LANCL1: variants seen among roughly 807,000 people sequenced by gnomAD.
The protein encoded by LANCL1 is glutathione S-transferase LANCL1.
A neutral mutation model predicts 50.6 loss-of-function variants in LANCL1; 50 were observed. The ratio of observed to expected loss-of-function variants is 0.99; its 90% confidence interval spans 0.79 to 1.25. The LOEUF is 1.25. Ranked by LOEUF, LANCL1 falls within the 50% of genes most tolerant of loss-of-function variation. LANCL1 has a pLI of 0.00. For synonymous variants in LANCL1, 188 were observed against 178.6 expected, an observed-to-expected ratio of 1.05 and a Z score of -0.42; for missense variants, 532 against 480.7, an observed-to-expected ratio of 1.11 and a Z score of -1.00.
Position 210,434,306 on chromosome 2 carries a change from T to G in LANCL1, c.*181A>C. 1.8e-6 allele frequency: 1 copy of G among 550,802 alleles called. No individual in the cohort carries two copies. Among genetic ancestry groups the G allele is most frequent in the South Asian group, 2.7e-5 (1 of 37,608 alleles). 34.1% of individuals were successfully genotyped at this position (550,802 alleles called of 1,614,324 possible). A position where few individuals can be genotyped will look rare whatever the true frequency, so the allele number is the denominator to read the frequency against. Reference sequence around the variant, plus strand: ...AAGTTAAAAGACTTCCTTGGATACTTCTAAGTAAAAGTAAATGATAATGGA... The same window carrying G: ...AAGTTAAAAGACTTCCTTGGATACTGCTAAGTAAAAGTAAATGATAATGGA... On this transcript the variant is annotated 3_prime_UTR_variant, in exon 10 of 10. Transcript: ENST00000450366.
At chr2:210,465,846 C>A (rs544817286) in intron 3 of LANCL1, among the ~76,000 whole-genome samples, 11 of 152,170 alleles carry the variant, frequency 7.2e-5, no homozygotes, top group African/African-American at 2.7e-4. Flanking sequence ...AGGTTTTGAA[C>A]CCTATTCTGG....
At position 210,475,975 on chromosome 2, in the gene LANCL1, A is replaced by T. The variant is rs141569524; in HGVS notation, c.81+341T>A. ...TAATCACAAAGGAGTAACACGGCAC[A>T]TGTGAATACCGTTAGGATTCTTCAC... On this transcript the variant is annotated intron_variant, in intron 2 of 9. Coordinates refer to ENST00000450366, the MANE Select transcript of LANCL1 (RefSeq NM_006055.3). Among the ~76,000 whole-genome samples, 169 of 152,340 alleles carry T rather than the reference A, an allele frequency of 1.1e-3. 2 individuals are homozygous for T. The East Asian group carries it at 0.026, about 23-fold the overall frequency.
At chr2:210,457,534 C>A (rs924100127) in intron 3 of LANCL1, among the ~76,000 whole-genome samples, 2 of 152,148 alleles carry the variant, frequency 1.3e-5, no homozygotes, top group African/African-American at 4.8e-5. Flanking sequence ...AGTCCTAATA[C>A]ATACTTGTGG....
intron 4 of LANCL1, among the ~76,000 whole-genome samples, chr2:210,447,987 G>T (rs985297598): frequency 5.3e-5 from 8 of 152,116 alleles, no homozygotes; most frequent in African/African-American, 1.9e-4. Flanking sequence ...CTTAAACTCA[G>T]CTCTGGACCA....
chr2:210,455,723 G>GT (rs1693653118), intron 3 of LANCL1, among the ~76,000 whole-genome samples: 1 of 151,662 alleles, frequency 6.6e-6, no homozygotes. Flanking sequence ...ATAAGAAAGG[G>GT]TTTGTTGTGA....
chr2:210,453,319 T>G lies in LANCL1; in HGVS notation c.407+1788A>C, dbSNP rs551173012. Among the ~76,000 whole-genome samples the G allele has an allele frequency of 2.6e-5, 4 of 152,064 alleles. No individual in the cohort carries two copies. The East Asian group carries it at 7.7e-4, about 29-fold the overall frequency. Reference sequence around the variant, plus strand: ...TGATATTGTACCATTTCCCAAAGAGTGTGTTAGAATAGGCCCTCAAGATTT... The same window carrying G: ...TGATATTGTACCATTTCCCAAAGAGGGTGTTAGAATAGGCCCTCAAGATTT... On this transcript the variant is annotated intron_variant, in intron 4 of 9. Transcript: ENST00000450366.
intron 4 of LANCL1, among the ~76,000 whole-genome samples, chr2:210,447,065 T>G (rs1240603395): frequency 6.6e-6 from 1 of 152,008 alleles, no homozygotes; most frequent in Non-Finnish European, 1.5e-5. Context: ...TCACCAAGGC[T>G]GAAATGAAGG....
chr2:210,444,919 A>T (rs1693263817), intron 4 of LANCL1, among the ~76,000 whole-genome samples: 1 of 152,104 alleles, frequency 6.6e-6, no homozygotes, highest in South Asian at 2.1e-4. Context: ...TTAAATTTTT[A>T]ATAAAAACAT....
chr2:210,465,232 G>T (rs2887899), intron 3 of LANCL1, among the ~76,000 whole-genome samples: 85,264 of 152,004 alleles, frequency 0.56, 24,400 homozygotes, highest in East Asian at 0.82. Flanking sequence ...CATATCACAG[G>T]AAAGAGTAAT....
intron 8 of LANCL1, among the ~76,000 whole-genome samples, chr2:210,435,950 G>A (rs1290940877): frequency 7.6e-6 from 1 of 132,074 alleles, no homozygotes; most frequent in South Asian, 2.5e-4. Flanking sequence ...CACCCAGGCT[G>A]GAGTACAATG....
chr2:210,451,958 T>C (rs1305603701), intron 4 of LANCL1, among the ~76,000 whole-genome samples: 1 of 152,210 alleles, frequency 6.6e-6, no homozygotes, highest in African/African-American at 2.4e-5. Context: ...AATCCACTTA[T>C]ATAAAATACG....
intron 6 of LANCL1, 105 bp downstream of exon 6, chr2:210,440,493 T>C (rs781506136): frequency 9.3e-7 from 1 of 1,079,060 alleles, no homozygotes; most frequent in South Asian, 1.7e-5. Context: ...TGTAATGCAG[T>C]GGTTGACAGA....
At chr2:210,438,748 T>A (rs1693025935) in intron 6 of LANCL1, among the ~76,000 whole-genome samples, 1 of 152,218 alleles carries the variant, frequency 6.6e-6, no homozygotes, top group African/African-American at 2.4e-5. Context: ...CTGATCTAAA[T>A]GCCACATTAT....
upstream of LANCL1, chr2:210,477,558 G>A (rs1288759933): frequency 1.2e-5 from 17 of 1,389,024 alleles, no homozygotes; most frequent in Non-Finnish European, 1.6e-5. Context: ...AAGAGTCCTA[G>A]CTCCAGACCT....
intron 3 of LANCL1, among the ~76,000 whole-genome samples, chr2:210,464,826 T>C (rs12477278): frequency 0.55 from 81,681 of 148,612 alleles, 23,461 homozygotes; most frequent in East Asian, 0.82. Context: ...ATTAGCCGGG[T>C]GCGGTGGCGG....
chr2:210,457,044 C>G (rs1435526944), intron 3 of LANCL1, among the ~76,000 whole-genome samples: 1 of 152,122 alleles, frequency 6.6e-6, no homozygotes, highest in Admixed American at 6.6e-5. Context: ...TTCTGGGATT[C>G]CACAATCTCA....
intron 3 of LANCL1, among the ~76,000 whole-genome samples, chr2:210,464,491 T>A (rs1693975669): frequency 6.6e-6 from 1 of 152,108 alleles, no homozygotes; most frequent in African/African-American, 2.4e-5. Flanking sequence ...TAGTGGAAAC[T>A]TTTTTGGGCT....
rs184050786 is a variant in LANCL1, at chr2:210,453,937, C to G, written c.407+1170G>C. On this transcript the variant is annotated intron_variant, in intron 4 of 9. Transcript: ENST00000450366. ...CTTCTCAGCTCTGGAGTGGAATGTTCAGTTTTTTTCCTCTAGACACACTAA... is the reference window on the plus strand; with the variant it reads ...CTTCTCAGCTCTGGAGTGGAATGTTGAGTTTTTTTCCTCTAGACACACTAA... Among the ~76,000 whole-genome samples the G allele has an allele frequency of 6.9e-3, 1,043 of 152,132 alleles. 6 individuals are homozygous for G. The highest frequency in any genetic ancestry group is 0.014 in the Middle Eastern group (4 of 294).
intron 3 of LANCL1, among the ~76,000 whole-genome samples, chr2:210,464,822 C>T (rs192270224): frequency 2.7e-5 from 4 of 150,088 alleles, no homozygotes; most frequent in Admixed American, 6.6e-5. Flanking sequence ...AAAAATTAGC[C>T]GGGTGCGGTG....
Sources: allele counts gnomAD v4.1 joint callset (sites outside exome capture counted in the v4.1 genomes callset), GRCh38; gene constraint gnomAD v4.1.1; transcripts MANE v1.5; gene names NCBI Gene and HGNC (gene_info 2026-07-23, HGNC 2026-07-21).